NBAS: variants seen among roughly 807,000 people sequenced by gnomAD.
NBAS encodes the protein NBAS subunit of NRZ tethering complex.
Under a neutral mutation model 302.5 loss-of-function variants are expected in NBAS, and 219 were observed. The ratio of observed to expected loss-of-function variants is 0.72; its 90% confidence interval spans 0.65 to 0.81. The LOEUF is 0.81. Ranked by LOEUF, NBAS falls within the 30% of genes least tolerant of loss-of-function variation. The pLI is 0.00. For missense variants in NBAS, 2,932 were observed against 2,841.6 expected (o/e 1.03, Z -0.72); for synonymous variants, 1,118 against 1,021.6 (o/e 1.09, Z -1.80).
the NBAS span, among the ~76,000 whole-genome samples, chr2:15,100,503 G>A: frequency 6.6e-6 from 1 of 152,180 alleles, no homozygotes; most frequent in African/African-American, 2.4e-5. Flanking sequence ...ATTTTTACAA[G>A]ACTTCATTAA....
chr2:14,858,352 T>C, the NBAS span, among the ~76,000 whole-genome samples: 3 of 152,124 alleles, frequency 2.0e-5, no homozygotes, highest in African/African-American at 7.2e-5. Flanking sequence ...CAAAGAGATA[T>C]CTGCACTCCA....
At chr2:15,415,222 T>C (rs1416171381) in intron 25 of NBAS, among the ~76,000 whole-genome samples, 3 of 152,214 alleles carry the variant, frequency 2.0e-5, no homozygotes, top group Non-Finnish European at 4.4e-5. Context: ...CATAGGATTG[T>C]TATAAGGATT....
At chr2:15,159,960 G>A in the NBAS span, among the ~76,000 whole-genome samples, 1 of 152,246 alleles carries the variant, frequency 6.6e-6, no homozygotes, top group East Asian at 1.9e-4. Context: ...ACAATGCTCT[G>A]TAAGATGCAT....
At chr2:14,942,227 G>A in the NBAS span, among the ~76,000 whole-genome samples, 3 of 152,182 alleles carry the variant, frequency 2.0e-5, no homozygotes, top group South Asian at 2.1e-4. Flanking sequence ...AAGGCACCCT[G>A]ATATGGTTTG....
chr2:15,190,480 TA>T, intron 48 of NBAS, 77 bp from the exon 49 acceptor site: 1 of 1,516,464 alleles, frequency 6.6e-7, no homozygotes, highest in Non-Finnish European at 9.0e-7. Context: ...TACTTTATTT[TA>T]ATTAAACTTT....
rs548206300 is a variant in NBAS at position 15,431,313 on chromosome 2, T to A, written c.2340-3519A>T. On this transcript the variant is annotated intron_variant, in intron 21 of 51. Coordinates refer to ENST00000281513, the MANE Select transcript of NBAS (RefSeq NM_015909.4). ...AACAAAAAAACCCTTCTTGTTGCTC[T>A]TTTTCTTCCAGGATGTTTCTACAAA... 3.3e-5 allele frequency among the ~76,000 whole-genome samples: 5 copies of A among 152,362 alleles called. No individual in the cohort carries two copies. In the East Asian group the frequency reaches 9.6e-4, roughly 29 times the overall value.
intron 47 of NBAS, among the ~76,000 whole-genome samples, chr2:15,227,216 A>C (rs1043058228): frequency 6.6e-6 from 1 of 152,212 alleles, no homozygotes; most frequent in Admixed American, 6.5e-5. Flanking sequence ...ATATGCCAAT[A>C]GCAAACAATC....
the NBAS span, among the ~76,000 whole-genome samples, chr2:14,942,281 A>G: frequency 6.6e-6 from 1 of 152,180 alleles, no homozygotes; most frequent in African/African-American, 2.4e-5. Flanking sequence ...GTAATTCCCA[A>G]TGTTAGAGGT....
chr2:15,321,534 G>A (rs948429459), intron 38 of NBAS, among the ~76,000 whole-genome samples: 4 of 151,956 alleles, frequency 2.6e-5, no homozygotes, highest in Admixed American at 1.3e-4. Context: ...ACAAAGAACT[G>A]AAACAAATCT....
chr2:15,054,714 C>G, the NBAS span, among the ~76,000 whole-genome samples: 1 of 152,202 alleles, frequency 6.6e-6, no homozygotes, highest in Admixed American at 6.5e-5. Context: ...ATCGGGCCAA[C>G]TGATCAGATG....
chr2:15,491,941 CTTCT>C (rs1321240955), intron 11 of NBAS, among the ~76,000 whole-genome samples: 3 of 152,160 alleles, frequency 2.0e-5, no homozygotes, highest in Non-Finnish European at 4.4e-5. Context: ...TCTACACTCA[CTTCT>C]TTCTTTCCAG....
the NBAS span, among the ~76,000 whole-genome samples, chr2:14,820,382 G>A: frequency 6.6e-6 from 1 of 152,142 alleles, no homozygotes; most frequent in East Asian, 1.9e-4. Flanking sequence ...TAGAACTGGA[G>A]GTCATTATAT....
intron 21 of NBAS, among the ~76,000 whole-genome samples, chr2:15,457,552 A>G (rs1435423147): frequency 3.3e-5 from 5 of 152,244 alleles, no homozygotes; most frequent in Non-Finnish European, 5.9e-5. Context: ...GTTTAAAAGC[A>G]TGATGCTGTA....
the NBAS span, among the ~76,000 whole-genome samples, chr2:15,090,112 A>C: frequency 6.6e-6 from 1 of 152,148 alleles, no homozygotes; most frequent in Non-Finnish European, 1.5e-5. Flanking sequence ...TGTTCCCAAA[A>C]GATGTCAGCT....
intron 31 of NBAS, among the ~76,000 whole-genome samples, chr2:15,367,991 C>A (rs73197101): frequency 1.3e-5 from 2 of 152,088 alleles, no homozygotes; most frequent in African/African-American, 2.4e-5. Context: ...TATACACACA[C>A]AAATACTTAT....
chr2:15,156,499 C>T, the NBAS span, among the ~76,000 whole-genome samples: 8 of 152,166 alleles, frequency 5.3e-5, no homozygotes, highest in Non-Finnish European at 8.8e-5. Flanking sequence ...GCAGATTTGG[C>T]GTCTGGTGAG....
chr2:15,383,432 ATCAGCTC>A, intron 28 of NBAS, 115 bp from the exon 29 acceptor site: 1 of 773,608 alleles, frequency 1.3e-6, no homozygotes, highest in Non-Finnish European at 2.3e-6. Context: ...CTATATCCAC[ATCAGCTC>A]TCAAATGATC....
chr2:15,418,063 T>C (rs1044747707), intron 23 of NBAS, among the ~76,000 whole-genome samples: 12 of 152,214 alleles, frequency 7.9e-5, no homozygotes, highest in African/African-American at 2.7e-4. Flanking sequence ...TACCTACTAA[T>C]GATAATGTCA....
intron 41 of NBAS, among the ~76,000 whole-genome samples, chr2:15,290,515 T>C (rs1481100501): frequency 6.6e-6 from 1 of 152,214 alleles, no homozygotes; most frequent in Non-Finnish European, 1.5e-5. Flanking sequence ...AGGCACGCCC[T>C]GCCTTATGAG....
Sources: gnomAD v4.1 joint callset for allele counts (sites outside exome capture counted in the v4.1 genomes callset) on GRCh38, gnomAD v4.1.1 for gene constraint, MANE v1.5 for transcripts, NCBI Gene and HGNC (gene_info 2026-07-23, HGNC 2026-07-21) for gene names.